PCDHGA3: variants seen among roughly 807,000 people sequenced by gnomAD.
The protein encoded by PCDHGA3 is protocadherin gamma subfamily A, 3.
A neutral mutation model predicts 58.5 loss-of-function variants in PCDHGA3; 40 were observed. That is an observed-to-expected ratio of 0.68 (90% CI 0.53 to 0.89). PCDHGA3 has a LOEUF of 0.89. Ranked by LOEUF, PCDHGA3 falls within the 40% of genes least tolerant of loss-of-function variation. The pLI, the probability that PCDHGA3 is intolerant of heterozygous loss-of-function variation, is 0.00. For missense variants in PCDHGA3, 1,223 were observed against 1,195.9 expected (o/e 1.02, Z -0.33); for synonymous variants, 530 against 525.7 (o/e 1.01, Z -0.11).
At chr5:141,422,690 T>C (rs1384522137) in intron 1 of PCDHGA3, 1 of 1,603,790 alleles carries the variant, frequency 6.2e-7, no homozygotes, top group African/African-American at 1.3e-5. Flanking sequence ...AATGCCCTGG[T>C]CACTTACTCT....
intron 1 of PCDHGA3, chr5:141,362,394 C>A (rs1762476605): frequency 6.2e-7 from 1 of 1,613,932 alleles, no homozygotes; most frequent in Non-Finnish European, 8.5e-7. Flanking sequence ...ATTCCTACAA[C>A]CTGTGTGTTG....
At chr5:141,393,762 A>G (rs2092837336) in intron 1 of PCDHGA3, 1 of 1,613,940 alleles carries the variant, frequency 6.2e-7, no homozygotes, top group African/African-American at 1.3e-5. Context: ...ATTTTATGAA[A>G]TGGAAATACA....
At chr5:141,414,342 C>A in intron 1 of PCDHGA3, 2 of 1,613,810 alleles carry the variant, frequency 1.2e-6, no homozygotes, top group East Asian at 2.2e-5. Flanking sequence ...TAACCTGTTC[C>A]ATTTTGGCGT....
chr5:141,380,676 T>TA (rs1776652796), intron 1 of PCDHGA3, among the ~76,000 whole-genome samples: 1 of 152,246 alleles, frequency 6.6e-6, no homozygotes, highest in Non-Finnish European at 1.5e-5. Flanking sequence ...ATAGGGTATG[T>TA]ATGCTTTGTG....
chr5:141,366,157 T>G, intron 1 of PCDHGA3: 1 of 1,614,080 alleles, frequency 6.2e-7, no homozygotes, highest in Non-Finnish European at 8.5e-7. Flanking sequence ...ACCGCCTGCT[T>G]AAGGCCAGCG....
intron 1 of PCDHGA3, chr5:141,372,751 C>A (rs775212888): frequency 3.7e-6 from 6 of 1,613,192 alleles, no homozygotes; most frequent in Non-Finnish European, 4.2e-6. Flanking sequence ...GATGAAGCCT[C>A]TTGGTTTGAA....
intron 1 of PCDHGA3, among the ~76,000 whole-genome samples, chr5:141,448,007 AC>A (rs1430481139): frequency 1.3e-5 from 2 of 151,784 alleles, no homozygotes; most frequent in Non-Finnish European, 2.9e-5. Context: ...AATCGCTTGA[AC>A]CCAGGAGGTG....
At chr5:141,409,752 A>T in intron 1 of PCDHGA3, 3 of 1,613,020 alleles carry the variant, frequency 1.9e-6, no homozygotes, top group Non-Finnish European at 2.5e-6. Context: ...GTGTTCGCGC[A>T]GCGCGCCTTT....
intron 1 of PCDHGA3, chr5:141,403,454 C>A: frequency 6.2e-7 from 1 of 1,614,054 alleles, no homozygotes; most frequent in Non-Finnish European, 8.5e-7. Flanking sequence ...GAACTCCCTC[C>A]AGAGCTACCA....
chr5:141,390,118 C>A (rs1031170621), intron 1 of PCDHGA3: 2 of 1,613,918 alleles, frequency 1.2e-6, no homozygotes, highest in African/African-American at 2.7e-5. Context: ...AGCGAGGGGA[C>A]TTTGCCTTAT....
Position 141,486,092 on chromosome 5 carries a change from C to G in PCDHGA3, c.2425-8715C>G. ...TACTGGAAAGCTTACTCTTTTGGGG[C>G]CCCTAGACTTTGAGAGTGAGAATTA... On this transcript the variant is annotated intron_variant, in intron 1 of 3. Transcript: ENST00000253812. The surrounding 1 kb of genome is among the most constrained non-coding windows in gnomAD (Gnocchi z 5.0). The G allele has an allele frequency of 6.2e-7, 1 of 1,614,148 alleles. No individual in the cohort carries two copies. Among genetic ancestry groups the G allele is most frequent in the South Asian group, 1.1e-5 (1 of 91,080 alleles).
At chr5:141,356,306 T>A (rs754194217) in intron 1 of PCDHGA3, 1 of 1,554,168 alleles carries the variant, frequency 6.4e-7, no homozygotes, top group Non-Finnish European at 8.7e-7. Flanking sequence ...ATTGCACTTT[T>A]CAACGTGCAT....
At chr5:141,448,926 C>T (rs528128105) in intron 1 of PCDHGA3, among the ~76,000 whole-genome samples, 5 of 152,256 alleles carry the variant, frequency 3.3e-5, no homozygotes, top group African/African-American at 9.6e-5. Context: ...GCCTGGGCGA[C>T]AGAGCAAGAC....
At chr5:141,404,769 A>C (rs528627644) in intron 1 of PCDHGA3, 1 of 1,611,124 alleles carries the variant, frequency 6.2e-7, no homozygotes, top group South Asian at 1.1e-5. Context: ...TGGCTCTCCT[A>C]CCGCCTATTC....
chr5:141,372,258 C>A (rs762173867), intron 1 of PCDHGA3: 22 of 1,612,952 alleles, frequency 1.4e-5, no homozygotes, highest in Non-Finnish European at 1.9e-5. Context: ...CCTGGGCCTG[C>A]GCACGGGTGA....
rs146235929 is a variant in PCDHGA3 at position 141,511,610 on chromosome 5, C to A, written c.*437C>A. On this transcript the variant is annotated 3_prime_UTR_variant, in exon 4 of 4. Transcript: ENST00000253812. ...GAAGTACCAAGTAACCTACAAGCCT[C>A]CTAGTTCTGAAAAGTTGGAAGGGCA... 1.0e-3 allele frequency: 247 copies of A among 237,682 alleles called. 1 individual carries two copies. The highest frequency in any genetic ancestry group is 5.2e-3 in the African/African-American group (235 of 45,400). The allele number at this position is 237,682 out of a possible 1,614,324, so 14.7% of individuals were successfully genotyped here. A position where few individuals can be genotyped will look rare whatever the true frequency, so the allele number is the denominator to read the frequency against.
At chr5:141,475,071 C>T (rs1198043142) in intron 1 of PCDHGA3, among the ~76,000 whole-genome samples, 2 of 152,198 alleles carry the variant, frequency 1.3e-5, no homozygotes, top group Non-Finnish European at 2.9e-5. Context: ...AGCTTTGCTG[C>T]CATTATTTCA....
chr5:141,474,685 T>G (rs1562045980), intron 1 of PCDHGA3, among the ~76,000 whole-genome samples: 1 of 152,224 alleles, frequency 6.6e-6, no homozygotes, highest in Non-Finnish European at 1.5e-5. Flanking sequence ...GCCTACCCCT[T>G]CACTTATGTT....
Position 141,485,792 on chromosome 5 carries a change from G to T in PCDHGA3, c.2425-9015G>T, listed in dbSNP as rs114766079. 6.2e-6 allele frequency: 10 copies of T among 1,614,118 alleles called. No individual in the cohort carries two copies. In the Admixed American group the frequency reaches 1.3e-4, roughly 22 times the overall value. ...GCCTTTGGATCGAGAGAAGCAATCG[G>T]ACTACCGCCTGGTGCTGACTGCTGT... On this transcript the variant is annotated intron_variant, in intron 1 of 3. Transcript: ENST00000253812. This position sits in a 1 kb window ranked among gnomAD's most constrained non-coding sequence, Gnocchi z 5.7.
Sources: allele counts gnomAD v4.1 joint callset (sites outside exome capture counted in the v4.1 genomes callset), GRCh38; gene constraint gnomAD v4.1.1; non-coding constraint Gnocchi (gnomAD v3.1); transcripts MANE v1.5; gene names NCBI Gene and HGNC (gene_info 2026-07-23, HGNC 2026-07-21).